Variants in GGCT observed in about 807,000 individuals in gnomAD.
The protein encoded by GGCT is cytochrome c-releasing factor 21.
Under a neutral mutation model 22.1 loss-of-function variants are expected in GGCT, and 20 were observed. That is an observed-to-expected ratio of 0.91 (90% CI 0.64 to 1.32). The LOEUF is 1.32. GGCT is among the 40% of genes most tolerant of loss of function. The pLI is 0.00. For missense variants in GGCT, 209 were observed against 223.5 expected (o/e 0.94, Z 0.41); for synonymous variants, 72 against 78.4 (o/e 0.92, Z 0.43).
At chr7:30,498,960 T>A (rs550322707) in intron 2 of GGCT, 22 bp from the exon 3 acceptor site, 3 of 1,613,422 alleles carry the variant, frequency 1.9e-6, no homozygotes, top group South Asian at 2.2e-5. Flanking sequence ...ACAGCCAAAT[T>A]TTAACCACAT....
At chr7:30,497,324 C>A in intron 3 of GGCT, 89 bp from the exon 4 acceptor site, 1 of 908,236 alleles carries the variant, frequency 1.1e-6, no homozygotes, top group South Asian at 1.7e-5. Context: ...TTTGCCTTCT[C>A]AAAGTATGAA....
intron 1 of GGCT, among the ~76,000 whole-genome samples, chr7:30,502,144 T>C (rs1219973253): frequency 1.3e-5 from 2 of 152,250 alleles, no homozygotes; most frequent in Non-Finnish European, 2.9e-5. Flanking sequence ...TGCTCAAGGC[T>C]CAGTCTAGGC....
chr7:30,501,797 T>C (rs1789709463), intron 1 of GGCT, among the ~76,000 whole-genome samples: 1 of 152,210 alleles, frequency 6.6e-6, no homozygotes, highest in African/African-American at 2.4e-5. Context: ...ATTTTATCCC[T>C]GTCACTTATA....
Position 30,499,707 on chromosome 7 carries a change from C to T in GGCT, c.288-769G>A, listed in dbSNP as rs565797114. Reference sequence around the variant, plus strand: ...AGCCTGGGCAACAAGAGCGAGACTCCGTTACAAAAAAAAAAAAGTAAGCTT... The same window carrying T: ...AGCCTGGGCAACAAGAGCGAGACTCTGTTACAAAAAAAAAAAAGTAAGCTT... On this transcript the variant is annotated intron_variant, in intron 2 of 3. Transcript: ENST00000275428. Among the ~76,000 whole-genome samples, 302 of 150,286 alleles carry T rather than the reference C, an allele frequency of 2.0e-3. 1 individual carries two copies. Among genetic ancestry groups the T allele is most frequent in the African/African-American group, 7.1e-3 (290 of 40,882 alleles).
At chr7:30,501,839 A>G (rs1437038757) in intron 1 of GGCT, among the ~76,000 whole-genome samples, 1 of 152,152 alleles carries the variant, frequency 6.6e-6, no homozygotes, top group African/African-American at 2.4e-5. Flanking sequence ...ACATCTCAGG[A>G]ATTGGGGTGG....
In GGCT at chr7:30,504,827, G is replaced by A; in HGVS notation, c.-118C>T. Reference sequence around the variant, plus strand: ...CGCCGCGCGGCAGCCTCAGGGTTAGGGGACTGGCGGGAAGCGTGGGCCGGT... The same window carrying A: ...CGCCGCGCGGCAGCCTCAGGGTTAGAGGACTGGCGGGAAGCGTGGGCCGGT... On this transcript the variant is annotated 5_prime_UTR_variant, in exon 1 of 4. Coordinates refer to ENST00000275428, the MANE Select transcript of GGCT (RefSeq NM_024051.4). 2 of 1,014,040 alleles carry A rather than the reference G, an allele frequency of 2.0e-6. No individual in the cohort carries two copies. Among genetic ancestry groups the A allele is most frequent in the Admixed American group, 2.0e-5 (1 of 50,770 alleles). The allele number at this position is 1,014,040 out of a possible 1,614,324, so 62.8% of individuals were successfully genotyped here.
At chr7:30,498,672 G>A (rs1478138406) in intron 3 of GGCT, 131 bp downstream of exon 3, 2 of 777,248 alleles carry the variant, frequency 2.6e-6, no homozygotes, top group Non-Finnish European at 4.3e-6. Context: ...GCCCGCCCCA[G>A]CCTTCCAAAG....
chr7:30,497,328 G>T, intron 3 of GGCT, 93 bp from the exon 4 acceptor site: 1 of 840,876 alleles, frequency 1.2e-6, no homozygotes, highest in Non-Finnish European at 1.8e-6. Flanking sequence ...CCTTCTCAAA[G>T]TATGAAGTAT....
rs1477987893 is a variant in GGCT, at chr7:30,499,425, C to T, written c.288-487G>A. Among the ~76,000 whole-genome samples the T allele has an allele frequency of 2.7e-5, 4 of 148,270 alleles. No homozygotes were observed. The East Asian group carries it at 6.0e-4, about 22-fold the overall frequency. On this transcript the variant is annotated intron_variant, in intron 2 of 3. Coordinates refer to ENST00000275428, the MANE Select transcript of GGCT (RefSeq NM_024051.4). ...ATCTCAAAAAGAAAAAAAAAAAGGC[C>T]GGGTGCAGTGGCTCACACCTGTAAT...
chr7:30,498,696 G>A (rs1166722800), intron 3 of GGCT, 107 bp downstream of exon 3: 2 of 980,292 alleles, frequency 2.0e-6, no homozygotes, highest in Non-Finnish European at 3.1e-6. Flanking sequence ...TGGCATTACA[G>A]GCATGAGCCA....
chr7:30,500,740 C>CAAAAAAA, intron 1 of GGCT, 59 bp from the exon 2 acceptor site: 1 of 1,450,968 alleles, frequency 6.9e-7, no homozygotes, highest in Admixed American at 1.9e-5. Flanking sequence ...TTTCCCTCAT[C>CAAAAAAA]AAAATAAAAA....
chr7:30,496,944 A>G lies in GGCT; in HGVS notation c.*148T>C, dbSNP rs930538840. ...CTATCCCAGTTTCTTTTTATAGTCT[A>G]AAAACAAGGAATCACCCAAGTAAGA... On this transcript the variant is annotated 3_prime_UTR_variant, in exon 4 of 4. Coordinates refer to ENST00000275428, the MANE Select transcript of GGCT (RefSeq NM_024051.4). 2 of 499,090 alleles carry G rather than the reference A, an allele frequency of 4.0e-6. No individual in the cohort carries two copies. The highest frequency in any genetic ancestry group is 6.9e-6 in the Non-Finnish European group (2 of 290,454). 30.9% of individuals were successfully genotyped at this position (499,090 alleles called of 1,614,324 possible).
rs1173463475 is a variant in GGCT at position 30,497,214 on chromosome 7, C to G, written c.445G>C (p.Glu149Gln). The change falls in exon 4 of 4, where the codon GAA (glutamate) becomes CAA (glutamine). Residue 149 changes from glutamate to glutamine, a missense_variant. By Grantham distance (29) the Glu-to-Gln change is conservative. Coordinates refer to ENST00000275428, the MANE Select transcript of GGCT (RefSeq NM_024051.4). The part of the protein sequence containing the change: ...YKKIICMGAK[E>Q]NGLPLEYQEK... ...TGATACTCCAGCGGCAAACCATTTT[C>G]TTTTGCACCCATGCAAATAATCTGG... The G allele has an allele frequency of 6.2e-6, 10 of 1,607,578 alleles. No individual in the cohort carries two copies. The highest frequency in any genetic ancestry group is 8.5e-6 in the Non-Finnish European group (10 of 1,178,050).
At chr7:30,501,554 T>C (rs1340368101) in intron 1 of GGCT, among the ~76,000 whole-genome samples, 1 of 152,216 alleles carries the variant, frequency 6.6e-6, no homozygotes, top group African/African-American at 2.4e-5. Flanking sequence ...GTTTAACTTC[T>C]TTCCTCACAG....
At chr7:30,504,439 C>A (rs955748432) in intron 1 of GGCT, 130 bp downstream of exon 1, 6 of 1,082,156 alleles carry the variant, frequency 5.5e-6, no homozygotes, top group Non-Finnish European at 7.9e-6. Flanking sequence ...GCCCAGGAGG[C>A]GGAAGCCGCG....
intron 2 of GGCT, 35 bp from the exon 3 acceptor site, chr7:30,498,973 G>C (rs1362930639): frequency 1.9e-6 from 3 of 1,610,226 alleles, no homozygotes; most frequent in African/African-American, 2.7e-5. Flanking sequence ...AACCACATTT[G>C]ACCTAGCCAA....
chr7:30,504,462 C>A (rs138914304), intron 1 of GGCT, 107 bp downstream of exon 1: 4 of 1,307,906 alleles, frequency 3.1e-6, no homozygotes, highest in African/African-American at 2.9e-5. Context: ...CTAGTACCCT[C>A]ATCAAGAAGA....
chr7:30,504,079 T>C (rs1451257906), intron 1 of GGCT, among the ~76,000 whole-genome samples: 1 of 152,198 alleles, frequency 6.6e-6, no homozygotes, highest in Non-Finnish European at 1.5e-5. Flanking sequence ...TGCAGCCCCT[T>C]GACCTAACTG....
At chr7:30,504,429 G>C (rs927350753) in intron 1 of GGCT, 140 bp downstream of exon 1, 2 of 980,680 alleles carry the variant, frequency 2.0e-6, no homozygotes, top group Admixed American at 2.5e-5. Context: ...AGGTGGACCC[G>C]CCCAGGAGGC....
Sources: gnomAD v4.1 joint callset for allele counts (sites outside exome capture counted in the v4.1 genomes callset) on GRCh38, gnomAD v4.1.1 for gene constraint, MANE v1.5 for transcripts, NCBI Gene and HGNC (gene_info 2026-07-23, HGNC 2026-07-21) for gene names.